FHIT: variants seen among roughly 807,000 people sequenced by gnomAD.
The protein encoded by FHIT is bis(5'-adenosyl)-triphosphatase.
FHIT carries 19 observed loss-of-function variants against 17.9 expected under a neutral mutation model. The ratio of observed to expected loss-of-function variants is 1.06; its 90% CI spans 0.74 to 1.56. The LOEUF (loss-of-function observed/expected upper bound fraction) is 1.56. FHIT is among the 40% of genes most tolerant of loss of function. FHIT has a pLI of 0.00. For synonymous variants in FHIT, 81 were observed against 69.7 expected, an observed-to-expected ratio of 1.16 and a Z score of -0.81; for missense variants, 248 against 189.2, an observed-to-expected ratio of 1.31 and a Z score of -1.82.
chr3:60,425,123 T>C (rs148626033), intron 5 of FHIT, among the ~76,000 whole-genome samples: 1 of 151,844 alleles, frequency 6.6e-6, no homozygotes, highest in Non-Finnish European at 1.5e-5. Context: ...TTGCAACACA[T>C]CCCTATCAGG....
intron 3 of FHIT, among the ~76,000 whole-genome samples, chr3:60,889,695 G>A (rs1306177062): frequency 6.6e-6 from 1 of 152,096 alleles, no homozygotes. Flanking sequence ...TTTAAAAATT[G>A]TATATGCAGC....
rs183341226 is a variant in FHIT, at chr3:60,049,570, T to C, written c.104-35418A>G. Among the ~76,000 whole-genome samples, 8 of 152,254 alleles carry C rather than the reference T, an allele frequency of 5.3e-5. No individual in the cohort carries two copies. In the South Asian group the frequency reaches 1.2e-3, roughly 24 times the overall value. On this transcript the variant is annotated intron_variant, in intron 5 of 9. Coordinates refer to ENST00000492590, the MANE Select transcript of FHIT (RefSeq NM_002012.4). ...TAAAATACACATCAGATACTGAAAA[T>C]AGTACAAAATAGGAATGTAAAACAT... is the stretch of plus-strand genomic sequence containing the variant.
At chr3:59,785,646 T>A (rs1702817593) in intron 8 of FHIT, among the ~76,000 whole-genome samples, 1 of 152,136 alleles carries the variant, frequency 6.6e-6, no homozygotes, top group African/African-American at 2.4e-5. Context: ...GTGCATGTAT[T>A]CAGGTAGAAA....
intron 7 of FHIT, among the ~76,000 whole-genome samples, chr3:59,999,693 C>T (rs566412637): frequency 1.3e-5 from 2 of 151,966 alleles, no homozygotes; most frequent in Admixed American, 6.6e-5. Context: ...CACCCTCTGC[C>T]GCCTCCCAGG....
intron 5 of FHIT, among the ~76,000 whole-genome samples, chr3:60,173,696 G>A (rs1426816091): frequency 6.6e-6 from 1 of 151,230 alleles, no homozygotes; most frequent in Non-Finnish European, 1.5e-5. Flanking sequence ...AATTCCTCAC[G>A]CTGTCTGCTC....
chr3:61,050,663 T>C (rs1308902121), intron 2 of FHIT, among the ~76,000 whole-genome samples: 2 of 152,102 alleles, frequency 1.3e-5, no homozygotes, highest in African/African-American at 4.8e-5. Flanking sequence ...AAAAATAAAA[T>C]GGGGACAGAG....
At position 60,712,696 on chromosome 3, in the gene FHIT, G is replaced by C. The variant is rs1182257197; in HGVS notation, c.-18+109223C>G. ...AGACAAAGAAGCCCATTACATAATG[G>C]TAAAGGGATCAATTCAACAAGAAGA... On this transcript the variant is annotated intron_variant, in intron 4 of 9. Coordinates refer to ENST00000492590, the MANE Select transcript of FHIT (RefSeq NM_002012.4). Among the ~76,000 whole-genome samples the C allele has an allele frequency of 1.2e-4, 18 of 151,074 alleles. No homozygotes were observed. In the South Asian group the frequency reaches 2.8e-3, roughly 23 times the overall value.
At chr3:59,927,756 A>G (rs570118314) in intron 7 of FHIT, among the ~76,000 whole-genome samples, 2 of 151,728 alleles carry the variant, frequency 1.3e-5, no homozygotes, top group East Asian at 4.0e-4. Flanking sequence ...GTGACAGAGC[A>G]AGACTCTGTC....
chr3:60,935,276 A>G (rs1239048340), intron 3 of FHIT, among the ~76,000 whole-genome samples: 2 of 152,228 alleles, frequency 1.3e-5, no homozygotes, highest in African/African-American at 2.4e-5. Context: ...ATTCTCATCC[A>G]TTCATTTATT....
At chr3:60,597,953 T>C (rs541991807) in intron 4 of FHIT, among the ~76,000 whole-genome samples, 2 of 152,062 alleles carry the variant, frequency 1.3e-5, no homozygotes, top group South Asian at 4.2e-4. Flanking sequence ...AGATACCAAA[T>C]AAAAGAATGT....
At chr3:60,101,993 T>C (rs1704209931) in intron 5 of FHIT, among the ~76,000 whole-genome samples, 1 of 152,212 alleles carries the variant, frequency 6.6e-6, no homozygotes, top group African/African-American at 2.4e-5. Flanking sequence ...TTACTTCCTC[T>C]AGGATTTCAA....
At chr3:60,441,520 T>G (rs913905859) in intron 5 of FHIT, among the ~76,000 whole-genome samples, 3 of 151,260 alleles carry the variant, frequency 2.0e-5, no homozygotes, top group African/African-American at 7.3e-5. Context: ...TTATTTACCT[T>G]AGAGAATAGG....
At chr3:60,133,139 C>T (rs1019701073) in intron 5 of FHIT, among the ~76,000 whole-genome samples, 10 of 152,052 alleles carry the variant, frequency 6.6e-5, no homozygotes, top group African/African-American at 1.7e-4. Context: ...ACATCTTTCA[C>T]GGCTCTTAAA....
intron 5 of FHIT, among the ~76,000 whole-genome samples, chr3:60,162,540 T>C (rs760535398): frequency 7.2e-5 from 11 of 152,206 alleles, no homozygotes; most frequent in Non-Finnish European, 1.0e-4. Context: ...CATCTGGTTT[T>C]CTTCTGATAG....
intron 5 of FHIT, among the ~76,000 whole-genome samples, chr3:60,087,388 G>C (rs999335372): frequency 4.7e-4 from 72 of 152,142 alleles, no homozygotes; most frequent in African/African-American, 1.6e-3. Context: ...AATTTCACTG[G>C]ACTGGGCAAT....
chr3:59,929,327 A>C (rs1705836869), intron 7 of FHIT, among the ~76,000 whole-genome samples: 1 of 148,238 alleles, frequency 6.7e-6, no homozygotes, highest in Non-Finnish European at 1.5e-5. Context: ...ATTTTCCCTC[A>C]GCAAGACTCA....
intron 8 of FHIT, among the ~76,000 whole-genome samples, chr3:59,889,469 T>G (rs1262144082): frequency 6.6e-6 from 1 of 152,140 alleles, no homozygotes; most frequent in Non-Finnish European, 1.5e-5. Flanking sequence ...CCCCATACCC[T>G]CAAATTACAT....
At chr3:61,045,234 A>T (rs527561073) in intron 2 of FHIT, among the ~76,000 whole-genome samples, 12 of 152,324 alleles carry the variant, frequency 7.9e-5, no homozygotes, top group African/African-American at 2.6e-4. Flanking sequence ...TATTCAGGAG[A>T]CCCATCTAAC....
At chr3:60,017,911 G>C (rs533523997) in intron 5 of FHIT, among the ~76,000 whole-genome samples, 1 of 152,160 alleles carries the variant, frequency 6.6e-6, no homozygotes, top group African/African-American at 2.4e-5. Context: ...TCCTACACAT[G>C]CTGTTTTGCT....
Sources: gnomAD v4.1 joint callset for allele counts (sites outside exome capture counted in the v4.1 genomes callset) on GRCh38, gnomAD v4.1.1 for gene constraint, MANE v1.5 for transcripts, NCBI Gene and HGNC (gene_info 2026-07-23, HGNC 2026-07-21) for gene names.